PRELID2: variants seen among roughly 807,000 people sequenced by gnomAD.
PRELID2 encodes PRELI domain containing 2.
A neutral mutation model predicts 28.4 loss-of-function variants in PRELID2; 25 were observed. The observed-to-expected ratio is 0.88, with a 90% confidence interval of 0.64 to 1.23. The LOEUF is 1.23. Among genes scored for constraint, PRELID2 ranks in the 50% most tolerant of loss-of-function variants. PRELID2 has a pLI of 0.00. For synonymous variants in PRELID2, 76 were observed against 71.6 expected, an observed-to-expected ratio of 1.06 and a Z score of -0.31; for missense variants, 201 against 214.4, an observed-to-expected ratio of 0.94 and a Z score of 0.39.
At chr5:145,342,121 G>A in the PRELID2 span, among the ~76,000 whole-genome samples, 3 of 152,168 alleles carry the variant, frequency 2.0e-5, no homozygotes, top group African/African-American at 7.2e-5. Context: ...AGTGCTGAAA[G>A]AATAAACTAC....
chr5:145,284,348 G>C, the PRELID2 span, among the ~76,000 whole-genome samples: 1 of 151,982 alleles, frequency 6.6e-6, no homozygotes, highest in Non-Finnish European at 1.5e-5. Flanking sequence ...AATCATTTTA[G>C]CTATACAGGG....
intron 1 of PRELID2, among the ~76,000 whole-genome samples, chr5:145,601,015 G>T (rs1753388530): frequency 6.6e-6 from 1 of 151,980 alleles, no homozygotes; most frequent in Non-Finnish European, 1.5e-5. Flanking sequence ...AATAAATCTG[G>T]CATAGTGAAG....
At chr5:145,665,662 C>T (rs1442157396) in intron 1 of PRELID2, among the ~76,000 whole-genome samples, 4 of 152,094 alleles carry the variant, frequency 2.6e-5, no homozygotes, top group African/African-American at 9.7e-5. Context: ...CCAGCCATTC[C>T]TCTTATCACT....
the PRELID2 span, among the ~76,000 whole-genome samples, chr5:145,408,867 A>C: frequency 6.6e-6 from 1 of 152,180 alleles, no homozygotes; most frequent in African/African-American, 2.4e-5. Context: ...AAGCTCAAAG[A>C]ACACCTCAAA....
In PRELID2 at chr5:145,487,590, G is replaced by A. The variant is rs144631573; in HGVS notation, n.71-14275C>T. ...AGCTGATCTCAGATGATGAGTTGGA[G>A]AGGGTCATGTCTATGCTTCAGGACA... is the stretch of plus-strand genomic sequence containing the variant. On this transcript the variant is annotated intron_variant and non_coding_transcript_variant, in intron 1 of 2. Transcript: ENST00000510259. Among the ~76,000 whole-genome samples, 483 of 152,184 alleles carry A rather than the reference G, an allele frequency of 3.2e-3. 4 individuals carry two copies. Among genetic ancestry groups the A allele is most frequent in the African/African-American group, 0.011 (467 of 41,528 alleles).
chr5:145,383,910 ATATG>A, the PRELID2 span, among the ~76,000 whole-genome samples: 5 of 152,056 alleles, frequency 3.3e-5, no homozygotes, highest in East Asian at 1.9e-4. Flanking sequence ...GTGTGTGTAT[ATATG>A]TATGTATGTG....
At chr5:145,810,344 C>T (rs1753843137) in intron 4 of PRELID2, among the ~76,000 whole-genome samples, 1 of 152,168 alleles carries the variant, frequency 6.6e-6, no homozygotes, top group Non-Finnish European at 1.5e-5. Context: ...CTATGTGATG[C>T]CCCTGAATCT....
chr5:145,694,584 G>C (rs1050649317), intron 1 of PRELID2, among the ~76,000 whole-genome samples: 5 of 152,054 alleles, frequency 3.3e-5, no homozygotes, highest in African/African-American at 1.2e-4. Context: ...TGAAGTCCAC[G>C]GTATGAAGTA....
intron 1 of PRELID2, among the ~76,000 whole-genome samples, chr5:145,478,216 C>T (rs979700156): frequency 2.0e-5 from 3 of 151,896 alleles, no homozygotes; most frequent in Admixed American, 6.6e-5. Context: ...GCTGTGCTCA[C>T]GTGAAAAACA....
chr5:145,512,715 C>T (rs956871388), intron 1 of PRELID2, among the ~76,000 whole-genome samples: 9 of 152,136 alleles, frequency 5.9e-5, no homozygotes, highest in Non-Finnish European at 1.3e-4. Flanking sequence ...AGGGGTCAAC[C>T]GACACCTCAT....
the PRELID2 span, among the ~76,000 whole-genome samples, chr5:145,315,348 G>A: frequency 3.9e-5 from 6 of 152,054 alleles, no homozygotes; most frequent in East Asian, 1.9e-4. Context: ...GATTACAGGC[G>A]TGAGCCACCA....
chr5:145,724,563 T>G (rs756289696), intron 1 of PRELID2, among the ~76,000 whole-genome samples: 17 of 131,466 alleles, frequency 1.3e-4, no homozygotes, highest in Non-Finnish European at 2.5e-4. Context: ...CTCGTTGATG[T>G]TTTTAGGGAA....
chr5:145,376,256 G>A, the PRELID2 span, among the ~76,000 whole-genome samples: 30 of 152,182 alleles, frequency 2.0e-4, no homozygotes, highest in Non-Finnish European at 3.7e-4. Flanking sequence ...ACTTGATCTT[G>A]ATGGATAAGC....
the PRELID2 span, among the ~76,000 whole-genome samples, chr5:145,265,501 G>A: frequency 1.3e-5 from 2 of 152,020 alleles, no homozygotes; most frequent in African/African-American, 4.8e-5. Flanking sequence ...AAAAGAGCCT[G>A]CACAGCCAAA....
At chr5:145,732,405 C>T (rs188246941) in intron 1 of PRELID2, among the ~76,000 whole-genome samples, 1 of 152,272 alleles carries the variant, frequency 6.6e-6, no homozygotes, top group Non-Finnish European at 1.5e-5. Flanking sequence ...AGATCACTAG[C>T]ACAGTGTTGT....
the PRELID2 span, among the ~76,000 whole-genome samples, chr5:145,339,410 G>A: frequency 6.6e-6 from 1 of 152,154 alleles, no homozygotes; most frequent in Admixed American, 6.5e-5. Context: ...GTCTTTTACA[G>A]TGTTAGCTAT....
chr5:145,684,222 A>G (rs1295245349), intron 1 of PRELID2, among the ~76,000 whole-genome samples: 2 of 152,224 alleles, frequency 1.3e-5, no homozygotes, highest in African/African-American at 2.4e-5. Flanking sequence ...TCAATAGTCC[A>G]GGGGTGAAAG....
chr5:145,698,383 CAAAT>C (rs1581069934), intron 1 of PRELID2, among the ~76,000 whole-genome samples: 1 of 152,134 alleles, frequency 6.6e-6, no homozygotes, highest in South Asian at 2.1e-4. Flanking sequence ...AGAGAGAACT[CAAAT>C]AAACACAAGT....
chr5:145,743,410 GC>G (rs1455639153), intron 1 of PRELID2, among the ~76,000 whole-genome samples: 3 of 33,364 alleles, frequency 9.0e-5, no homozygotes, highest in African/African-American at 3.2e-4. Context: ...AAACTCTGCG[GC>G]AAAAAAAAAA....
Sources: allele counts gnomAD v4.1 joint callset (sites outside exome capture counted in the v4.1 genomes callset), GRCh38; gene constraint gnomAD v4.1.1; transcripts MANE v1.5; gene names NCBI Gene and HGNC (gene_info 2026-07-23, HGNC 2026-07-21).